HEXB: variants seen among roughly 807,000 people sequenced by gnomAD.
HEXB encodes the protein hexosaminidase subunit beta, also known as beta-hexosaminidase subunit beta.
A neutral mutation model predicts 71.2 loss-of-function variants in HEXB; 51 were observed. The observed-to-expected ratio is 0.72, with a 90% CI of 0.57 to 0.90. HEXB has a LOEUF of 0.90. Ranked by LOEUF, HEXB falls within the 40% of genes least tolerant of loss-of-function variation. HEXB has a pLI of 0.00. For synonymous variants in HEXB, 266 were observed against 249.3 expected, an observed-to-expected ratio of 1.07 and a Z score of -0.63; for missense variants, 617 against 677.0, an observed-to-expected ratio of 0.91 and a Z score of 0.98.
intron 12 of HEXB, 21 bp from the exon 13 acceptor site, chr5:74,720,622 G>C (rs776903062): frequency 1.2e-6 from 2 of 1,606,972 alleles, no homozygotes; most frequent in South Asian, 2.2e-5. Context: ...CTTGCGGGGG[G>C]ATGTGTGATT....
intron 5 of HEXB, among the ~76,000 whole-genome samples, chr5:74,697,666 T>G (rs1749144086): frequency 6.9e-6 from 1 of 144,964 alleles, no homozygotes; most frequent in African/African-American, 2.6e-5. Context: ...GGGTGGAGGT[T>G]GCAGTGAGCC....
At position 74,721,099 on chromosome 5, in the gene HEXB, T is replaced by TTATTCATGTTATC; in HGVS notation, c.1614-16_1614-4dup. 1 of 1,577,502 alleles carries TTATTCATGTTATC rather than the reference T, an allele frequency of 6.3e-7. No homozygotes were observed. The highest frequency in any genetic ancestry group is 8.7e-7 in the Non-Finnish European group (1 of 1,146,942). ...CAATCTAAATCAATCTAAAATATCT[T>TTATTCATGTTATC]TATTCATGTTATCTACAGACGTGGA... On this transcript the variant is annotated intron_variant, in intron 13 of 13. Transcript: ENST00000261416.
Position 74,696,791 on chromosome 5 carries a change from G to A in HEXB, c.558+52G>A, listed in dbSNP as rs756794576. ...AAAATTGTTAGACAAATTGCTAATA[G>A]AAAAAAATGTAACCTGTTTAGCTAT... On this transcript the variant is annotated intron_variant, in intron 4 of 13. Coordinates refer to ENST00000261416, the MANE Select transcript of HEXB (RefSeq NM_000521.4). 12 of 938,384 alleles carry A rather than the reference G, an allele frequency of 1.3e-5. No individual in the cohort carries two copies. The Admixed American group carries it at 1.8e-4, about 14-fold the overall frequency. The allele number at this position is 938,384 out of a possible 1,614,324, so 58.1% of individuals were successfully genotyped here. A position where few individuals can be genotyped will look rare whatever the true frequency, so the allele number is the denominator to read the frequency against.
At chr5:74,698,395 T>C (rs1246433457) in intron 5 of HEXB, among the ~76,000 whole-genome samples, 1 of 142,248 alleles carries the variant, frequency 7.0e-6, no homozygotes, top group African/African-American at 2.6e-5. Flanking sequence ...TTATTATTAT[T>C]ATTTTTTTTT....
chr5:74,672,979 A>C (rs1422111665), intron 1 of HEXB, among the ~76,000 whole-genome samples: 2 of 151,402 alleles, frequency 1.3e-5, no homozygotes, highest in Non-Finnish European at 2.9e-5. Flanking sequence ...TTGGTCACCA[A>C]AATGTTTCCA....
intron 2 of HEXB, among the ~76,000 whole-genome samples, chr5:74,691,996 T>C (rs1749013581): frequency 6.6e-6 from 1 of 152,232 alleles, no homozygotes; most frequent in South Asian, 2.1e-4. Context: ...CTAATTGTTA[T>C]ATGTATTTTC....
At chr5:74,671,705 A>C (rs1276011453) in intron 1 of HEXB, among the ~76,000 whole-genome samples, 1 of 152,208 alleles carries the variant, frequency 6.6e-6, no homozygotes, top group Non-Finnish European at 1.5e-5. Flanking sequence ...ACACTCAGTA[A>C]AACTGTAAAA....
At chr5:74,686,631 G>C (rs764759107) in intron 1 of HEXB, among the ~76,000 whole-genome samples, 1 of 152,220 alleles carries the variant, frequency 6.6e-6, no homozygotes, top group Non-Finnish European at 1.5e-5. Context: ...TCTACAATCA[G>C]AAGGCTCATG....
chr5:74,704,831 C>A (rs1360189771), intron 5 of HEXB, among the ~76,000 whole-genome samples: 9 of 152,142 alleles, frequency 5.9e-5, no homozygotes, highest in Non-Finnish European at 1.3e-4. Context: ...GTGGCTCATG[C>A]CTGTAATCCC....
At chr5:74,643,637 G>C (rs1747948317) in intron 1 of HEXB, among the ~76,000 whole-genome samples, 1 of 152,152 alleles carries the variant, frequency 6.6e-6, no homozygotes, top group Non-Finnish European at 1.5e-5. Context: ...ATTTTGTTAG[G>C]CCGCAAAATA....
At chr5:74,708,477 T>C (rs1749458450) in intron 6 of HEXB, among the ~76,000 whole-genome samples, 3 of 149,568 alleles carry the variant, frequency 2.0e-5, no homozygotes, top group Non-Finnish European at 4.5e-5. Flanking sequence ...AATGCTCCAA[T>C]TAAAAGACAC....
chr5:74,702,682 C>G lies in HEXB; in HGVS notation c.670-2537C>G, dbSNP rs151132597. Among the ~76,000 whole-genome samples, 374 of 152,286 alleles carry G rather than the reference C, an allele frequency of 2.5e-3. 4 individuals carry two copies. The highest frequency in any genetic ancestry group is 0.023 in the South Asian group (111 of 4,818). On this transcript the variant is annotated intron_variant, in intron 5 of 13. Coordinates refer to ENST00000261416, the MANE Select transcript of HEXB (RefSeq NM_000521.4). Reference sequence around the variant, plus strand: ...AATTAAGTATCTTGTGGGAAGAAATCTTGAGACCGTGTAAAATCCCATTCT... The same window carrying G: ...AATTAAGTATCTTGTGGGAAGAAATGTTGAGACCGTGTAAAATCCCATTCT...
chr5:74,690,797 T>A (rs1168079521), intron 2 of HEXB, among the ~76,000 whole-genome samples: 1 of 151,968 alleles, frequency 6.6e-6, no homozygotes, highest in East Asian at 1.9e-4. Flanking sequence ...TTAGATGAGA[T>A]TTCTCAATAA....
chr5:74,660,825 A>G (rs1483516538), intron 1 of HEXB, among the ~76,000 whole-genome samples: 1 of 152,256 alleles, frequency 6.6e-6, no homozygotes, highest in Non-Finnish European at 1.5e-5. Flanking sequence ...CCCTGGGGAT[A>G]CACAAATTGC....
chr5:74,665,279 A>C (rs569110557), intron 1 of HEXB, among the ~76,000 whole-genome samples: 1 of 152,274 alleles, frequency 6.6e-6, no homozygotes, highest in South Asian at 2.1e-4. Flanking sequence ...TGAAAAGTAC[A>C]TAAGTAAACA....
intron 5 of HEXB, among the ~76,000 whole-genome samples, chr5:74,703,472 A>G (rs933541171): frequency 6.6e-6 from 1 of 152,208 alleles, no homozygotes; most frequent in African/African-American, 2.4e-5. Context: ...TGAAACCAAT[A>G]TCTAGGCTCT....
intron 3 of HEXB, among the ~76,000 whole-genome samples, chr5:74,694,839 G>C (rs143059311): frequency 0.022 from 3,327 of 151,874 alleles, 129 homozygotes; most frequent in African/African-American, 0.076. Flanking sequence ...GCATGGTGGC[G>C]CATGCCTGTA....
chr5:74,681,455 T>C (rs190501241), upstream of HEXB, among the ~76,000 whole-genome samples: 2 of 152,156 alleles, frequency 1.3e-5, no homozygotes, highest in African/African-American at 2.4e-5. Context: ...CTGGGTGTAT[T>C]GGTATAGGCC....
At chr5:74,645,746 C>T (rs556479914) in intron 1 of HEXB, among the ~76,000 whole-genome samples, 2 of 152,118 alleles carry the variant, frequency 1.3e-5, no homozygotes, top group Non-Finnish European at 2.9e-5. Flanking sequence ...TACTCCAGGG[C>T]CTTTCAAGAC....
Sources: allele counts gnomAD v4.1 joint callset (sites outside exome capture counted in the v4.1 genomes callset), GRCh38; gene constraint gnomAD v4.1.1; transcripts MANE v1.5; gene names NCBI Gene and HGNC (gene_info 2026-07-23, HGNC 2026-07-21).